Variants in PCLO observed in about 807,000 individuals in gnomAD.
PCLO encodes the protein protein piccolo.
Under a neutral mutation model 427.5 loss-of-function variants are expected in PCLO, and 82 were observed. That is an observed-to-expected ratio of 0.19 (90% CI 0.16 to 0.23). The LOEUF (loss-of-function observed/expected upper bound fraction) is 0.23. PCLO is among the 10% of genes least tolerant of loss of function. PCLO has a pLI of 1.00. For missense variants in PCLO, 6,239 were observed against 6,115.9 expected (o/e 1.02, Z -0.67); for synonymous variants, 2,357 against 2,155.4 (o/e 1.09, Z -2.59).
At chr7:82,906,521 T>C (rs921057608) in intron 8 of PCLO, among the ~76,000 whole-genome samples, 1 of 152,084 alleles carries the variant, frequency 6.6e-6, no homozygotes, top group African/African-American at 2.4e-5. Flanking sequence ...TTGAATTTTA[T>C]ATAATTCAAC....
At chr7:82,946,121 A>T (rs1470515913) in intron 6 of PCLO, among the ~76,000 whole-genome samples, 1 of 152,238 alleles carries the variant, frequency 6.6e-6, no homozygotes, top group Non-Finnish European at 1.5e-5. Context: ...AAACAAAGTG[A>T]AAGTGATACT....
chr7:82,957,635 A>G (rs560422493), intron 4 of PCLO, among the ~76,000 whole-genome samples: 1 of 152,336 alleles, frequency 6.6e-6, no homozygotes, highest in African/African-American at 2.4e-5. Context: ...AAGTTATACA[A>G]TAATTGGTCT....
intron 11 of PCLO, 72 bp from the exon 12 acceptor site, chr7:82,846,706 C>T: frequency 1.0e-6 from 1 of 959,782 alleles, no homozygotes; most frequent in South Asian, 1.5e-5. Flanking sequence ...TTTCCAACTA[C>T]CCTTAATTTT....
At chr7:83,138,620 C>A (rs1791787996) in intron 2 of PCLO, among the ~76,000 whole-genome samples, 1 of 151,844 alleles carries the variant, frequency 6.6e-6, no homozygotes, top group Non-Finnish European at 1.5e-5. Flanking sequence ...GAGAAGCACT[C>A]CAGCCTGGAT....
intron 6 of PCLO, among the ~76,000 whole-genome samples, chr7:82,937,334 C>T (rs1259309567): frequency 6.7e-6 from 1 of 148,290 alleles, no homozygotes; most frequent in Non-Finnish European, 1.5e-5. Flanking sequence ...ATCCACACTA[C>T]AGTTTTTTTT....
At position 83,134,647 on chromosome 7, in the gene PCLO, G is replaced by A. The variant is rs1272412876; in HGVS notation, c.2903C>T (p.Pro968Leu). 6.2e-7 allele frequency: 1 copy of A among 1,613,872 alleles called. No homozygotes were observed. Among genetic ancestry groups the A allele is most frequent in the African/African-American group, 1.3e-5 (1 of 75,014 alleles). ...TGAAGTAGGTGGCTGTGAAGGGGCA[G>A]GGGCTTGTTTCATTGGGGCCCCTGG... ...SGPGAPMKQAPAPSQPPTSQG... is the reference protein window; with the variant it reads ...SGPGAPMKQALAPSQPPTSQG... Residue 968 changes from proline (P) to leucine (L), a missense_variant, in exon 3 of 25, where the codon CCT becomes CTT. Transcript: ENST00000333891.
chr7:82,757,942 T>C lies in PCLO; in HGVS notation c.*633A>G, dbSNP rs954176979. 1.3e-5 allele frequency: 2 copies of C among 151,998 alleles called. No homozygotes were observed. The highest frequency in any genetic ancestry group is 6.6e-5 in the Admixed American group (1 of 15,230). 9.4% of individuals were successfully genotyped at this position (151,998 alleles called of 1,614,324 possible). A position where few individuals can be genotyped will look rare whatever the true frequency, so the allele number is the denominator to read the frequency against. On this transcript the variant is annotated 3_prime_UTR_variant, in exon 25 of 25. Transcript: ENST00000333891. ...TACCACATGGATTCCAAAGTCAGTG[T>C]TGTATATGCTTGTAACATTTAGACA...
chr7:82,784,705 TA>T (rs1424166392), intron 22 of PCLO, among the ~76,000 whole-genome samples: 2 of 152,224 alleles, frequency 1.3e-5, no homozygotes, highest in African/African-American at 2.4e-5. Context: ...CATGAATGTT[TA>T]CAAAAAGGTA....
At position 82,762,147 on chromosome 7, in the gene PCLO, G is replaced by C. The variant is rs1014561413; in HGVS notation, c.15008-654C>G. On this transcript the variant is annotated intron_variant, in intron 22 of 24. Coordinates refer to ENST00000333891, the MANE Select transcript of PCLO (RefSeq NM_033026.6). ...CTATTGGGAAGAAAACCATTCATCA[G>C]ATATTTTCATCAATAAATATATAAT... 5.3e-5 allele frequency among the ~76,000 whole-genome samples: 8 copies of C among 152,030 alleles called. No individual in the cohort carries two copies. The East Asian group carries it at 1.5e-3, about 29-fold the overall frequency.
chr7:83,018,206 T>A (rs1221091138), intron 3 of PCLO, among the ~76,000 whole-genome samples: 2 of 151,966 alleles, frequency 1.3e-5, no homozygotes. Context: ...GGTATCAAAA[T>A]GTTTACAAAG....
At chr7:82,847,668 G>C (rs568863913) in intron 10 of PCLO, among the ~76,000 whole-genome samples, 4 of 152,140 alleles carry the variant, frequency 2.6e-5, no homozygotes, top group Non-Finnish European at 5.9e-5. Context: ...TCATGAAATG[G>C]GAGCAGTAGA....
chr7:82,761,478 A>G lies in PCLO; in HGVS notation c.15023T>C (p.Met5008Thr), dbSNP rs751448166. 1 of 1,598,258 alleles carries G rather than the reference A, an allele frequency of 6.3e-7. No individual in the cohort carries two copies. Among genetic ancestry groups the G allele is most frequent in the Non-Finnish European group, 8.5e-7 (1 of 1,172,572 alleles). The change falls in exon 23 of 25, where the codon ATG (methionine) becomes ACG (threonine). Residue 5008 changes from methionine to threonine, a missense_variant. Transcript: ENST00000333891. Reference protein sequence around the residue: ...LADTEAKTQVMGEIKIALKKE... With the variant: ...LADTEAKTQVTGEIKIALKKE... ...CTTCAATGCAATCTTGATTTCTCCC[A>G]TTACCTGAGTTTTAGCTGGGAGAAT...
At chr7:82,927,749 T>C (rs1794746367) in intron 6 of PCLO, among the ~76,000 whole-genome samples, 1 of 152,194 alleles carries the variant, frequency 6.6e-6, no homozygotes, top group Admixed American at 6.6e-5. Flanking sequence ...AATTAATATT[T>C]GTTTACTAGG....
At chr7:83,117,863 T>G (rs1488121514) in intron 3 of PCLO, among the ~76,000 whole-genome samples, 2 of 152,222 alleles carry the variant, frequency 1.3e-5, no homozygotes, top group African/African-American at 4.8e-5. Context: ...CCAGGACAGA[T>G]AATAACCTAT....
intron 9 of PCLO, among the ~76,000 whole-genome samples, chr7:82,882,889 TA>T (rs1793542525): frequency 6.6e-6 from 1 of 152,128 alleles, no homozygotes; most frequent in Non-Finnish European, 1.5e-5. Context: ...ATGTGTTTAT[TA>T]ATCTGCTACA....
Position 83,155,115 on chromosome 7 carries a change from G to C in PCLO, c.1526C>G (p.Pro509Arg), listed in dbSNP as rs1430924494. 1.9e-6 allele frequency: 3 copies of C among 1,542,072 alleles called. No individual in the cohort carries two copies. Among genetic ancestry groups the C allele is most frequent in the African/African-American group, 1.4e-5 (1 of 71,912 alleles). Residue 509 changes from proline to arginine, a missense_variant, in exon 2 of 25, where the codon CCC becomes CGC. Physicochemically the swap from Pro to Arg is moderately radical, Grantham distance 103. This residue lies in a region of PCLO where 4,677 missense variants were observed against 4,468.4 expected (regional missense o/e 1.05). Coordinates refer to ENST00000333891, the MANE Select transcript of PCLO (RefSeq NM_033026.6). ...TGCTGGGCCAGGCTGTTGAGGTGGG[G>C]GTTTTGTTGAGCCAGGCTGTTGAGA... ...PPSQQPGSTK[P>R]PPQQPGPAKP...
At chr7:82,829,891 G>A (rs2115701178) in intron 16 of PCLO, among the ~76,000 whole-genome samples, 1 of 151,892 alleles carries the variant, frequency 6.6e-6, no homozygotes, top group East Asian at 1.9e-4. Context: ...AAGTGGCACT[G>A]AAAATCAATT....
At chr7:82,924,550 T>A (rs1206431470) in intron 6 of PCLO, among the ~76,000 whole-genome samples, 1 of 152,000 alleles carries the variant, frequency 6.6e-6, no homozygotes, top group Admixed American at 6.6e-5. Context: ...CTGCAATAAT[T>A]ATGGAAAAGT....
At chr7:82,795,857 A>T (rs1310249763) in intron 22 of PCLO, among the ~76,000 whole-genome samples, 1 of 152,160 alleles carries the variant, frequency 6.6e-6, no homozygotes. Flanking sequence ...TTCTTGGCTT[A>T]TATTCGTTGT....
Sources: gnomAD v4.1 joint callset for allele counts (sites outside exome capture counted in the v4.1 genomes callset) on GRCh38, gnomAD v4.1.1 for gene constraint, gnomAD v4.1.1 regional missense constraint, MANE v1.5 for transcripts, NCBI Gene and HGNC (gene_info 2026-07-23, HGNC 2026-07-21) for gene names.